Variants in OXSR1 observed in about 807,000 individuals in gnomAD.
OXSR1 encodes oxidative stress responsive kinase 1.
In OXSR1, 24 loss-of-function variants were observed where a neutral mutation model predicts 79.8. The ratio of observed to expected loss-of-function variants is 0.30; its 90% CI spans 0.22 to 0.42. The LOEUF (loss-of-function observed/expected upper bound fraction) is 0.42. OXSR1 is among the 10% of genes least tolerant of loss of function. The probability of loss-of-function intolerance (pLI) is 1.00; values close to 1 mark genes in which losing one functional copy is unlikely to be tolerated. For synonymous variants in OXSR1, 226 were observed against 209.2 expected, an observed-to-expected ratio of 1.08 and a Z score of -0.69; for missense variants, 430 against 618.4, an observed-to-expected ratio of 0.70 and a Z score of 3.23.
chr3:38,164,424 G>T (rs1316346715), upstream of OXSR1, among the ~76,000 whole-genome samples: 1 of 152,242 alleles, frequency 6.6e-6, no homozygotes, highest in Non-Finnish European at 1.5e-5. Context: ...GGGATTACAG[G>T]CGTGAGCCAC....
chr3:38,252,520 C>A (rs963873930), intron 17 of OXSR1, 128 bp downstream of exon 17: 1 of 764,022 alleles, frequency 1.3e-6, no homozygotes, highest in African/African-American at 1.7e-5. Flanking sequence ...ATTTAGCCTC[C>A]CCAGTGCCCT....
At chr3:38,246,336 A>G in intron 13 of OXSR1, 115 bp downstream of exon 13, 1 of 1,005,392 alleles carries the variant, frequency 9.9e-7, no homozygotes. Flanking sequence ...ATTTTGAAAC[A>G]AGTTAGAAAT....
At chr3:38,251,318 G>A (rs1703250994) in intron 15 of OXSR1, 85 bp from the exon 16 acceptor site, 2 of 1,107,162 alleles carry the variant, frequency 1.8e-6, no homozygotes, top group Admixed American at 3.4e-5. Context: ...GCCTAGCATG[G>A]CACACTGACA....
chr3:38,193,613 CTTTTT>C (rs35335075), intron 3 of OXSR1, among the ~76,000 whole-genome samples: 1 of 131,582 alleles, frequency 7.6e-6, no homozygotes. Flanking sequence ...AGCAGAACGA[CTTTTT>C]TTTTTTTTTT....
intron 10 of OXSR1, among the ~76,000 whole-genome samples, chr3:38,233,982 A>G (rs1234214427): frequency 1.3e-5 from 2 of 152,250 alleles, no homozygotes; most frequent in African/African-American, 2.4e-5. Context: ...CTTTCGTGCC[A>G]TGACAATTCA....
upstream of OXSR1, chr3:38,165,421 C>T: frequency 5.6e-6 from 1 of 177,532 alleles, no homozygotes; most frequent in Non-Finnish European, 1.2e-5. Flanking sequence ...AGCTTGCTCA[C>T]TTTACATCCA....
At position 38,255,101 on chromosome 3, in the gene OXSR1, T is replaced by G. The variant is rs1703339471; in HGVS notation, c.*2210T>G. ...CCAGGTGGAACAGCACGTAACCTAG[T>G]GAGTGACTGTACTCCTTTCTAGGAA... On this transcript the variant is annotated 3_prime_UTR_variant, in exon 18 of 18. Transcript: ENST00000311806. 3 of 152,658 alleles carry G rather than the reference T, an allele frequency of 2.0e-5. No individual in the cohort carries two copies. The highest frequency in any genetic ancestry group is 2.0e-4 in the Admixed American group (3 of 15,282). The allele number at this position is 152,658 out of a possible 1,614,324, so 9.5% of individuals were successfully genotyped here. A position where few individuals can be genotyped will look rare whatever the true frequency, so the allele number is the denominator to read the frequency against.
Position 38,254,418 on chromosome 3 carries a change from A to G in OXSR1, c.*1527A>G. 2.6e-6 allele frequency: 1 copy of G among 390,850 alleles called. No individual in the cohort carries two copies. Among genetic ancestry groups the G allele is most frequent in the Non-Finnish European group, 4.5e-6 (1 of 221,622 alleles). 24.2% of individuals were successfully genotyped at this position (390,850 alleles called of 1,614,324 possible). A position where few individuals can be genotyped will look rare whatever the true frequency, so the allele number is the denominator to read the frequency against. ...CAAAGGCATGTTGGGAAAGAGATGG[A>G]TGTTGGGGAGGAAGAGAGGAGATGG... On this transcript the variant is annotated 3_prime_UTR_variant, in exon 18 of 18. Coordinates refer to ENST00000311806, the MANE Select transcript of OXSR1 (RefSeq NM_005109.3).
In OXSR1 at chr3:38,198,853, CA is replaced by C; in HGVS notation, c.425del (p.Gln142ArgfsTer6). 1 of 1,613,244 alleles carries C rather than the reference CA, an allele frequency of 6.2e-7. No homozygotes were observed. The highest frequency in any genetic ancestry group is 8.5e-7 in the Non-Finnish European group (1 of 1,179,424). ...EGLEYLHKNG[Q>X]IHRDVKAGNI... ...GCTGGAATATCTGCATAAAAATGGA[CA>C]GATCCACAGGTATGTAAAAGACAAT... is the stretch of plus-strand genomic sequence containing the variant. On this transcript the variant is annotated frameshift_variant, in exon 4 of 18. Coordinates refer to ENST00000311806, the MANE Select transcript of OXSR1 (RefSeq NM_005109.3). LOFTEE classifies it high-confidence loss of function.
intron 2 of OXSR1, among the ~76,000 whole-genome samples, chr3:38,184,556 CTA>C (rs921733796): frequency 3.3e-5 from 5 of 152,116 alleles, no homozygotes; most frequent in Non-Finnish European, 5.9e-5. Flanking sequence ...ATATGAAGAC[CTA>C]TAATTTGCCA....
Position 38,169,112 on chromosome 3 carries a change from C to G in OXSR1, c.70+3166C>G, listed in dbSNP as rs77219681. Among the ~76,000 whole-genome samples the G allele has an allele frequency of 3.6e-4, 55 of 152,238 alleles. No individual in the cohort carries two copies. In the East Asian group the frequency reaches 0.011, roughly 29 times the overall value. The stretch of plus-strand genomic sequence containing the variant: ...GTTCTTGTTTCTCTAAATTTGTTGT[C>G]TTTTTGCGTGTAACCATCCTAGTGA... On this transcript the variant is annotated intron_variant, in intron 1 of 17. Transcript: ENST00000311806.
intron 4 of OXSR1, among the ~76,000 whole-genome samples, chr3:38,201,672 T>A (rs1378570603): frequency 6.6e-6 from 1 of 151,452 alleles, no homozygotes; most frequent in Non-Finnish European, 1.5e-5. Context: ...ATTGCGCCAC[T>A]GCACTCCAGC....
intron 10 of OXSR1, among the ~76,000 whole-genome samples, chr3:38,234,876 A>G (rs946810756): frequency 2.6e-5 from 4 of 152,264 alleles, no homozygotes; most frequent in South Asian, 2.1e-4. Context: ...AATGTGGTAT[A>G]TTCATGCAGT....
intron 3 of OXSR1, among the ~76,000 whole-genome samples, chr3:38,192,402 C>T (rs1462023030): frequency 6.6e-6 from 1 of 152,186 alleles, no homozygotes; most frequent in Admixed American, 6.5e-5. Flanking sequence ...ACTTAGAAAG[C>T]ATAACTTGGA....
At chr3:38,246,348 C>A (rs1575375754) in intron 13 of OXSR1, 127 bp downstream of exon 13, 2 of 911,558 alleles carry the variant, frequency 2.2e-6, no homozygotes, top group South Asian at 2.1e-5. Flanking sequence ...GTTAGAAATT[C>A]TGTCTTCACA....
intron 4 of OXSR1, among the ~76,000 whole-genome samples, chr3:38,209,255 G>A (rs1472536604): frequency 6.6e-6 from 1 of 152,098 alleles, no homozygotes; most frequent in Non-Finnish European, 1.5e-5. Flanking sequence ...GGCTCACTCT[G>A]TCACTCAGGC....
intron 1 of OXSR1, among the ~76,000 whole-genome samples, chr3:38,180,461 T>C (rs1701761346): frequency 6.6e-6 from 1 of 151,918 alleles, no homozygotes; most frequent in African/African-American, 2.4e-5. Flanking sequence ...GTTTTCATAA[T>C]GCAAACAGTG....
rs1347709012 is a variant in OXSR1 at position 38,183,135 on chromosome 3, C to T, written c.183+20C>T. On this transcript the variant is annotated intron_variant, in intron 2 of 17. Transcript: ENST00000311806. ...CTCCTGGTATGCACATCTTATACTT[C>T]TGAAATGGAGAGATATACTCATATA... 2 of 1,299,562 alleles carry T rather than the reference C, an allele frequency of 1.5e-6. No individual in the cohort carries two copies. Among genetic ancestry groups the T allele is most frequent in the Non-Finnish European group, 2.2e-6 (2 of 900,436 alleles). 80.5% of individuals were successfully genotyped at this position (1,299,562 alleles called of 1,614,324 possible).
intron 9 of OXSR1, 145 bp downstream of exon 9, chr3:38,229,880 C>A: frequency 1.5e-6 from 1 of 656,092 alleles, no homozygotes; most frequent in East Asian, 2.8e-5. Flanking sequence ...TGTATACAGT[C>A]TTTGATAATT....
Sources: gnomAD v4.1 joint callset for allele counts (sites outside exome capture counted in the v4.1 genomes callset) on GRCh38, gnomAD v4.1.1 for gene constraint, MANE v1.5 for transcripts, NCBI Gene and HGNC (gene_info 2026-07-23, HGNC 2026-07-21) for gene names.